The following FAM20B variants were observed in gnomAD, a reference collection of about 807,000 sequenced individuals.
FAM20B encodes the protein FAM20B glycosaminoglycan xylosylkinase, also known as glycosaminoglycan xylosylkinase.
Under a neutral mutation model 43.8 loss-of-function variants are expected in FAM20B, and 23 were observed. The observed-to-expected ratio is 0.53, with a 90% CI of 0.38 to 0.74. The LOEUF is 0.74. Among genes scored for constraint, FAM20B ranks in the 30% least tolerant of loss-of-function variants. FAM20B has a pLI of 0.00. For synonymous variants in FAM20B, 178 were observed against 192.4 expected (o/e 0.93, Z 0.62); for missense variants, 440 against 510.5 (o/e 0.86, Z 1.33).
At chr1:179,019,761 C>T in the FAM20B span, among the ~76,000 whole-genome samples, 10 of 152,202 alleles carry the variant, frequency 6.6e-5, no homozygotes, top group South Asian at 2.1e-4. Context: ...TGCGCCTGGC[C>T]GAGACCCTTT....
intron 1 of FAM20B, among the ~76,000 whole-genome samples, chr1:179,030,664 A>T (rs1318220709): frequency 2.6e-5 from 4 of 152,212 alleles, no homozygotes; most frequent in Non-Finnish European, 5.9e-5. Flanking sequence ...TCTCTGAAAG[A>T]GGCAGTCTTT....
chr1:179,066,866 T>A lies in FAM20B; in HGVS notation c.998+7T>A, dbSNP rs1295195097. 2 of 1,593,320 alleles carry A rather than the reference T, an allele frequency of 1.3e-6. No individual in the cohort carries two copies. Among genetic ancestry groups the A allele is most frequent in the Admixed American group, 1.7e-5 (1 of 60,008 alleles). Reference sequence around the variant, plus strand: ...CTCTCTATCAGTGTTGCATGTAAGTTATGCACAGCAAATACATGTGCCTGC... The same window carrying A: ...CTCTCTATCAGTGTTGCATGTAAGTAATGCACAGCAAATACATGTGCCTGC... On this transcript the variant is annotated splice_region_variant and intron_variant, in intron 7 of 7. Coordinates refer to ENST00000263733, the MANE Select transcript of FAM20B (RefSeq NM_014864.4).
chr1:179,020,279 G>C, the FAM20B span, among the ~76,000 whole-genome samples: 2 of 151,980 alleles, frequency 1.3e-5, no homozygotes, highest in South Asian at 4.2e-4. Context: ...CTCACCTTTG[G>C]CCTGCTTTGC....
chr1:179,052,787 A>C (rs1359609955), intron 3 of FAM20B, among the ~76,000 whole-genome samples: 1 of 152,188 alleles, frequency 6.6e-6, no homozygotes, highest in African/African-American at 2.4e-5. Flanking sequence ...TTAATGGCAC[A>C]CTAGAATCAG....
At chr1:179,024,482 G>A (rs1445990256), upstream of FAM20B, among the ~76,000 whole-genome samples, 1 of 152,178 alleles carries the variant, frequency 6.6e-6, no homozygotes, top group East Asian at 1.9e-4. Context: ...CTAACTGCAG[G>A]CAGACTGATC....
At chr1:179,048,293 G>A (rs1477120131) in intron 2 of FAM20B, among the ~76,000 whole-genome samples, 1 of 152,216 alleles carries the variant, frequency 6.6e-6, no homozygotes, top group African/African-American at 2.4e-5. Flanking sequence ...ATGAGATCCA[G>A]AATTCTGATT....
chr1:179,063,118 A>G (rs141619138), intron 4 of FAM20B, among the ~76,000 whole-genome samples: 4 of 152,302 alleles, frequency 2.6e-5, no homozygotes, highest in African/African-American at 9.6e-5. Context: ...CTCTACTACA[A>G]ATACAAAAAT....
At chr1:179,047,332 A>T (rs1319177901) in intron 2 of FAM20B, among the ~76,000 whole-genome samples, 1 of 152,126 alleles carries the variant, frequency 6.6e-6, no homozygotes, top group Non-Finnish European at 1.5e-5. Flanking sequence ...CTTCCCCAGA[A>T]GACTTATTAT....
At chr1:179,040,190 C>CT (rs1650426319) in intron 1 of FAM20B, among the ~76,000 whole-genome samples, 1 of 152,256 alleles carries the variant, frequency 6.6e-6, no homozygotes, top group Non-Finnish European at 1.5e-5. Context: ...CCCTTCCCCC[C>CT]TTTCTACTCC....
chr1:179,063,829 T>C (rs971619520), intron 4 of FAM20B, 98 bp from the exon 5 acceptor site: 2 of 781,130 alleles, frequency 2.6e-6, no homozygotes, highest in African/African-American at 3.5e-5. Context: ...GTTTTCACCA[T>C]GCTTATTTAC....
chr1:179,026,121 A>C, intron 1 of FAM20B, 23 bp downstream of exon 1: 3 of 130,536 alleles, frequency 2.3e-5, no homozygotes, highest in East Asian at 2.5e-4. Flanking sequence ...GGGGCGGGGG[A>C]GGGCGCGCGA....
chr1:179,053,443 C>CCAAA (rs66615067), intron 3 of FAM20B, among the ~76,000 whole-genome samples: 377 of 150,926 alleles, frequency 2.5e-3, no homozygotes, highest in Middle Eastern at 6.8e-3. Context: ...AACCAACCAC[C>CCAAA]CAAACAAACA....
rs1476833397 is a variant in FAM20B at position 179,072,818 on chromosome 1, G to A, written c.*674G>A. 1 of 152,188 alleles carries A rather than the reference G, an allele frequency of 6.6e-6. No individual in the cohort carries two copies. Among genetic ancestry groups the A allele is most frequent in the African/African-American group, 2.4e-5 (1 of 41,440 alleles). The allele number at this position is 152,188 out of a possible 1,614,324, so 9.4% of individuals were successfully genotyped here. ...TAGAACCAGAATCAGGGAGATGACTGAACTACTGAAAAACAGGTTCCCTTG... is the reference window on the plus strand; with the variant it reads ...TAGAACCAGAATCAGGGAGATGACTAAACTACTGAAAAACAGGTTCCCTTG... On this transcript the variant is annotated 3_prime_UTR_variant, in exon 8 of 8. Transcript: ENST00000263733.
intron 1 of FAM20B, chr1:179,035,651 A>G (rs528551638): frequency 1.4e-5 from 6 of 420,718 alleles, no homozygotes; most frequent in Non-Finnish European, 2.7e-5. Context: ...TTTCTTTGTC[A>G]TCTTGGAGGC....
chr1:179,064,539 A>G (rs1480369666), intron 6 of FAM20B, 43 bp downstream of exon 6: 21 of 1,499,370 alleles, frequency 1.4e-5, no homozygotes, highest in Non-Finnish European at 1.8e-5. Context: ...GGGTTTCTGT[A>G]TATGAAAGAA....
chr1:179,056,458 C>A (rs752790160), intron 4 of FAM20B, among the ~76,000 whole-genome samples: 57 of 152,126 alleles, frequency 3.7e-4, no homozygotes, highest in Non-Finnish European at 1.5e-4. Context: ...CATGTCTTTT[C>A]ATGCATGGCT....
At chr1:179,067,544 C>G (rs1447523135) in intron 7 of FAM20B, among the ~76,000 whole-genome samples, 1 of 152,072 alleles carries the variant, frequency 6.6e-6, no homozygotes, top group Non-Finnish European at 1.5e-5. Context: ...GCAGAGGTTG[C>G]AGTGAGCCGA....
At chr1:179,026,413 C>T (rs1649779410) in intron 1 of FAM20B, among the ~76,000 whole-genome samples, 2 of 152,046 alleles carry the variant, frequency 1.3e-5, no homozygotes, top group Non-Finnish European at 2.9e-5. Flanking sequence ...GGCGCGGGCC[C>T]ACCTGGGGCC....
At chr1:179,045,135 G>A (rs72707297) in intron 2 of FAM20B, among the ~76,000 whole-genome samples, 3,282 of 152,266 alleles carry the variant, frequency 0.022, 63 homozygotes, top group Middle Eastern at 0.048. Flanking sequence ...ACAATTCTGT[G>A]ATACAGTTAA....
Sources: gnomAD v4.1 joint callset for allele counts (sites outside exome capture counted in the v4.1 genomes callset) on GRCh38, gnomAD v4.1.1 for gene constraint, MANE v1.5 for transcripts, NCBI Gene and HGNC (gene_info 2026-07-23, HGNC 2026-07-21) for gene names.